GPC6: variants seen among roughly 807,000 people sequenced by gnomAD.
GPC6 encodes glypican 6, also known as glypican-6.
A neutral mutation model predicts 55.2 loss-of-function variants in GPC6; 14 were observed. The ratio of observed to expected loss-of-function variants is 0.25; its 90% CI spans 0.17 to 0.40. The LOEUF is 0.40. GPC6 is among the 10% of genes least tolerant of loss of function. The pLI, the probability that GPC6 is intolerant of heterozygous loss-of-function variation, is 1.00. For synonymous variants in GPC6, 278 were observed against 259.6 expected (o/e 1.07, Z -0.68); for missense variants, 641 against 708.5 (o/e 0.90, Z 1.08).
At chr13:93,670,045 A>T (rs1881298338) in intron 2 of GPC6, among the ~76,000 whole-genome samples, 1 of 152,162 alleles carries the variant, frequency 6.6e-6, no homozygotes, top group South Asian at 2.1e-4. Context: ...TCACAACGGG[A>T]CTAAATTGGA....
At chr13:93,381,949 G>A (rs1407262718) in intron 1 of GPC6, among the ~76,000 whole-genome samples, 1 of 151,894 alleles carries the variant, frequency 6.6e-6, no homozygotes, top group Non-Finnish European at 1.5e-5. Flanking sequence ...ATTTTCTCCG[G>A]AGAAAATATT....
chr13:93,540,489 AT>A (rs1028378407), intron 1 of GPC6, among the ~76,000 whole-genome samples: 24 of 152,094 alleles, frequency 1.6e-4, no homozygotes, highest in Non-Finnish European at 2.2e-4. Context: ...ATATATATTT[AT>A]TTTTTGTCTC....
At chr13:94,070,149 T>C (rs2138781572) in intron 4 of GPC6, among the ~76,000 whole-genome samples, 1 of 152,284 alleles carries the variant, frequency 6.6e-6, no homozygotes, top group East Asian at 1.9e-4. Flanking sequence ...GAGGAGCAAG[T>C]TACATCTTAC....
chr13:94,310,792 G>T (rs1438348241), intron 6 of GPC6, among the ~76,000 whole-genome samples: 1 of 151,968 alleles, frequency 6.6e-6, no homozygotes, highest in Non-Finnish European at 1.5e-5. Flanking sequence ...ATCTAATCTT[G>T]GTGGAAGACC....
At chr13:94,296,929 CTG>C (rs1342432040) in intron 5 of GPC6, among the ~76,000 whole-genome samples, 8 of 151,958 alleles carry the variant, frequency 5.3e-5, no homozygotes, top group Admixed American at 1.3e-4. Flanking sequence ...ATTCATATAA[CTG>C]TAAGTTTATA....
chr13:93,664,707 T>C (rs1881062714), intron 2 of GPC6, among the ~76,000 whole-genome samples: 1 of 152,028 alleles, frequency 6.6e-6, no homozygotes, highest in African/African-American at 2.4e-5. Flanking sequence ...AACCTGCACC[T>C]CCCGGGTTCA....
At chr13:93,504,986 C>A (rs1236494467) in intron 1 of GPC6, among the ~76,000 whole-genome samples, 1 of 152,132 alleles carries the variant, frequency 6.6e-6, no homozygotes, top group African/African-American at 2.4e-5. Flanking sequence ...TGAAACAAAC[C>A]ATGACAGTTT....
At chr13:93,428,904 C>T (rs1177246838) in intron 1 of GPC6, among the ~76,000 whole-genome samples, 1 of 152,118 alleles carries the variant, frequency 6.6e-6, no homozygotes, top group African/African-American at 2.4e-5. Flanking sequence ...AAGTCATTTT[C>T]AGATAGGAAA....
At chr13:94,059,815 C>T (rs1884258942) in intron 4 of GPC6, among the ~76,000 whole-genome samples, 1 of 151,750 alleles carries the variant, frequency 6.6e-6, no homozygotes, top group South Asian at 2.1e-4. Context: ...ATGAGGGCTC[C>T]TCCTTCATGA....
intron 4 of GPC6, among the ~76,000 whole-genome samples, chr13:94,057,932 C>A (rs1390711530): frequency 1.3e-5 from 2 of 152,178 alleles, no homozygotes; most frequent in Non-Finnish European, 2.9e-5. Context: ...AAATTAATTT[C>A]ATAACTGTAC....
At chr13:93,599,273 T>G (rs1399269838) in intron 2 of GPC6, among the ~76,000 whole-genome samples, 1 of 141,894 alleles carries the variant, frequency 7.0e-6, no homozygotes, top group African/African-American at 2.6e-5. Context: ...ACTTAGAAAC[T>G]GCCAAATATT....
rs1312709195 is a variant in GPC6, at chr13:94,097,550, G to C, written c.877+69656G>C. On this transcript the variant is annotated intron_variant, in intron 4 of 8. Coordinates refer to ENST00000377047, the MANE Select transcript of GPC6 (RefSeq NM_005708.5). ...AAAAGAGGCAAGTGATTATTTAATA[G>C]ACATAGAGTTTCAAATTTGCAGTAT... 2.8e-5 allele frequency among the ~76,000 whole-genome samples: 4 copies of C among 144,216 alleles called. No homozygotes were observed. The South Asian group carries it at 6.8e-4, about 24-fold the overall frequency. 94.6% of individuals were successfully genotyped at this position (144,216 alleles called of 152,430 possible). A position where few individuals can be genotyped will look rare whatever the true frequency, so the allele number is the denominator to read the frequency against.
intron 4 of GPC6, among the ~76,000 whole-genome samples, chr13:94,119,366 G>A (rs572997257): frequency 1.3e-5 from 2 of 152,096 alleles, no homozygotes; most frequent in South Asian, 4.2e-4. Context: ...GGAGGGGTAG[G>A]GGATGTTTGC....
chr13:93,383,169 T>C (rs983356174), intron 1 of GPC6, among the ~76,000 whole-genome samples: 10 of 152,196 alleles, frequency 6.6e-5, no homozygotes, highest in Admixed American at 5.9e-4. Flanking sequence ...GTGCATTTGA[T>C]ACCTCCCTAA....
At chr13:93,464,450 T>A (rs1429167695) in intron 1 of GPC6, among the ~76,000 whole-genome samples, 1 of 152,236 alleles carries the variant, frequency 6.6e-6, no homozygotes, top group African/African-American at 2.4e-5. Flanking sequence ...TTTGTTGTCA[T>A]CTCAAAGATG....
chr13:93,442,646 G>A (rs911086425), intron 1 of GPC6, among the ~76,000 whole-genome samples: 5 of 152,116 alleles, frequency 3.3e-5, no homozygotes, highest in Non-Finnish European at 4.4e-5. Context: ...CGATGACTAC[G>A]AATGTCTTTC....
At chr13:93,682,140 A>G (rs969863093) in intron 2 of GPC6, among the ~76,000 whole-genome samples, 2 of 152,196 alleles carry the variant, frequency 1.3e-5, no homozygotes, top group Non-Finnish European at 2.9e-5. Context: ...GTAAAGATTT[A>G]TTCCAAACTC....
intron 3 of GPC6, among the ~76,000 whole-genome samples, chr13:93,990,907 G>C (rs1881270716): frequency 6.7e-6 from 1 of 149,392 alleles, no homozygotes; most frequent in Admixed American, 6.7e-5. Flanking sequence ...AGAGGGGAGA[G>C]AGAGAGAAAG....
intron 1 of GPC6, among the ~76,000 whole-genome samples, chr13:93,317,243 C>T (rs1200445637): frequency 6.6e-6 from 1 of 152,060 alleles, no homozygotes; most frequent in Non-Finnish European, 1.5e-5. Context: ...GGGCACATAC[C>T]AAGTCATTTA....
Sources: allele counts gnomAD v4.1 joint callset (sites outside exome capture counted in the v4.1 genomes callset), GRCh38; gene constraint gnomAD v4.1.1; transcripts MANE v1.5; gene names NCBI Gene and HGNC (gene_info 2026-07-23, HGNC 2026-07-21).